The following LOC128092253 variants were observed in gnomAD, a reference collection of about 807,000 sequenced individuals.
chr6:133,958,985 AATAG>A, the LOC128092253 span, among the ~76,000 whole-genome samples: 1 of 152,192 alleles, frequency 6.6e-6, no homozygotes, highest in Non-Finnish European at 1.5e-5. Context: ...TGTTGCACCA[AATAG>A]ATAGAGATAT....
chr6:133,960,112 T>C, the LOC128092253 span, among the ~76,000 whole-genome samples: 6 of 152,174 alleles, frequency 3.9e-5, no homozygotes, highest in African/African-American at 1.4e-4. Flanking sequence ...CCTAGGAAAG[T>C]TGTAATGAGC....
At chr6:133,975,868 G>A in the LOC128092253 span, among the ~76,000 whole-genome samples, 5 of 152,170 alleles carry the variant, frequency 3.3e-5, no homozygotes, top group African/African-American at 1.2e-4. Context: ...TAAGCTGAAT[G>A]ATAGGTACGT....
At chr6:133,954,052 T>TA in the LOC128092253 span, among the ~76,000 whole-genome samples, 2 of 152,088 alleles carry the variant, frequency 1.3e-5, no homozygotes, top group African/African-American at 4.8e-5. Context: ...GGATAAGTGA[T>TA]AAAAATAGCC....
chr6:133,979,974 T>A, the LOC128092253 span: 2 of 902,102 alleles, frequency 2.2e-6, no homozygotes, highest in Non-Finnish European at 1.5e-6. Context: ...CTAGTAACAT[T>A]TGAAAAATAA....
the LOC128092253 span, among the ~76,000 whole-genome samples, chr6:133,966,097 AGTGT>A: frequency 2.6e-5 from 4 of 152,064 alleles, no homozygotes; most frequent in South Asian, 4.2e-4. Context: ...ACAGAGAGAG[AGTGT>A]GTGTGCATGT....
chr6:133,968,633 A>G, the LOC128092253 span, among the ~76,000 whole-genome samples: 2 of 152,088 alleles, frequency 1.3e-5, no homozygotes, highest in African/African-American at 2.4e-5. Context: ...TGTAGCTTCC[A>G]TTACAATTGA....
the LOC128092253 span, among the ~76,000 whole-genome samples, chr6:133,974,744 G>A: frequency 6.6e-6 from 1 of 152,206 alleles, no homozygotes; most frequent in East Asian, 1.9e-4. Context: ...GTACCAGACT[G>A]TAAGAGAACA....
chr6:133,974,158 A>G, the LOC128092253 span, among the ~76,000 whole-genome samples: 2 of 152,076 alleles, frequency 1.3e-5, no homozygotes, highest in Non-Finnish European at 2.9e-5. Flanking sequence ...TCTGGCAAAC[A>G]TTATGGACCT....
chr6:133,975,346 TGAA>T, the LOC128092253 span, among the ~76,000 whole-genome samples: 1 of 151,992 alleles, frequency 6.6e-6, no homozygotes, highest in African/African-American at 2.4e-5. Context: ...AAAATAGACT[TGAA>T]GAAAACAGAG....
At chr6:133,955,821 T>C in the LOC128092253 span, among the ~76,000 whole-genome samples, 1 of 152,228 alleles carries the variant, frequency 6.6e-6, no homozygotes, top group Non-Finnish European at 1.5e-5. Flanking sequence ...CAATCTTGAC[T>C]GAAATTATAT....
chr6:133,965,918 A>C, the LOC128092253 span, among the ~76,000 whole-genome samples: 21 of 152,228 alleles, frequency 1.4e-4, no homozygotes, highest in Admixed American at 1.3e-3. Context: ...TAATTTTCAC[A>C]ACACTATGAT....
chr6:133,978,122 G>A, the LOC128092253 span, among the ~76,000 whole-genome samples: 1 of 152,278 alleles, frequency 6.6e-6, no homozygotes, highest in South Asian at 2.1e-4. Flanking sequence ...AAGGCAAGGT[G>A]GAATGGATGT....
the LOC128092253 span, among the ~76,000 whole-genome samples, chr6:133,966,529 G>A: frequency 6.6e-6 from 1 of 152,106 alleles, no homozygotes; most frequent in Non-Finnish European, 1.5e-5. Context: ...CCTGTCCTGA[G>A]CAATGGACTT....
At chr6:133,975,930 G>A in the LOC128092253 span, among the ~76,000 whole-genome samples, 1 of 152,108 alleles carries the variant, frequency 6.6e-6, no homozygotes, top group South Asian at 2.1e-4. Flanking sequence ...ATATATGGTA[G>A]TGCCATGATT....
At chr6:133,979,206 TC>T in the LOC128092253 span, among the ~76,000 whole-genome samples, 1 of 152,194 alleles carries the variant, frequency 6.6e-6, no homozygotes, top group Non-Finnish European at 1.5e-5. Flanking sequence ...TTTTTTTCCC[TC>T]CATTATCTTC....
At chr6:133,979,534 T>A in the LOC128092253 span, among the ~76,000 whole-genome samples, 1 of 152,130 alleles carries the variant, frequency 6.6e-6, no homozygotes, top group African/African-American at 2.4e-5. Flanking sequence ...TCCTGTCAAG[T>A]AAAAGTTACT....
At chr6:133,972,944 G>A in the LOC128092253 span, among the ~76,000 whole-genome samples, 1 of 152,142 alleles carries the variant, frequency 6.6e-6, no homozygotes, top group Admixed American at 6.5e-5. Context: ...AGAGCGGTTA[G>A]GTAAGTGGCC....
chr6:133,974,752 A>G, the LOC128092253 span, among the ~76,000 whole-genome samples: 14 of 152,368 alleles, frequency 9.2e-5, no homozygotes, highest in Non-Finnish European at 1.6e-4. Flanking sequence ...CTGTAAGAGA[A>G]CACAGATTTA....
the LOC128092253 span, among the ~76,000 whole-genome samples, chr6:133,955,491 C>A: frequency 6.6e-6 from 1 of 151,996 alleles, no homozygotes; most frequent in African/African-American, 2.4e-5. Flanking sequence ...GTGATTTTAT[C>A]TGTTGCATTT....
Sources: allele counts gnomAD v4.1 joint callset (sites outside exome capture counted in the v4.1 genomes callset), GRCh38; gene constraint gnomAD v4.1.1; transcripts MANE v1.5.